Variants in FLRT1 observed in about 807,000 individuals in gnomAD.
The protein encoded by FLRT1 is leucine-rich repeat transmembrane protein FLRT1.
FLRT1 carries 14 observed loss-of-function variants against 30.9 expected under a neutral mutation model. The ratio of observed to expected loss-of-function variants is 0.45; its 90% CI spans 0.30 to 0.71. The LOEUF is 0.71. Ranked by LOEUF, FLRT1 falls within the 30% of genes least tolerant of loss-of-function variation. FLRT1 has a pLI of 0.08. For synonymous variants in FLRT1, 368 were observed against 430.4 expected (o/e 0.85, Z 1.80); for missense variants, 737 against 949.2 (o/e 0.78, Z 2.94).
At chr11:64,099,052 A>C (rs1944626681) in intron 1 of FLRT1, among the ~76,000 whole-genome samples, 1 of 152,242 alleles carries the variant, frequency 6.6e-6, no homozygotes, top group South Asian at 2.1e-4. Context: ...GGAAGCCCTG[A>C]GTGCCAAGGG....
At chr11:64,100,135 C>T (rs953636664) in intron 1 of FLRT1, among the ~76,000 whole-genome samples, 1 of 152,184 alleles carries the variant, frequency 6.6e-6, no homozygotes, top group Non-Finnish European at 1.5e-5. Context: ...TCCTCCCTGA[C>T]CTGCTAGCCA....
chr11:64,086,400 T>C (rs970394182), intron 1 of FLRT1, among the ~76,000 whole-genome samples: 2 of 151,914 alleles, frequency 1.3e-5, no homozygotes, highest in African/African-American at 4.8e-5. Context: ...GCTCAGAGGA[T>C]GGAACATTCC....
At chr11:64,040,596 G>A (rs922417799) in intron 1 of FLRT1, among the ~76,000 whole-genome samples, 2 of 152,250 alleles carry the variant, frequency 1.3e-5, no homozygotes, top group African/African-American at 4.8e-5. Flanking sequence ...TTTCCCGAGA[G>A]CTGTGTGTTC....
At chr11:64,041,032 T>TA (rs1943474335) in intron 1 of FLRT1, among the ~76,000 whole-genome samples, 1 of 151,694 alleles carries the variant, frequency 6.6e-6, no homozygotes, top group South Asian at 2.1e-4. Context: ...GGCTTATACT[T>TA]AATTAAAACT....
chr11:64,074,200 GAGAA>G (rs961610488), intron 1 of FLRT1, among the ~76,000 whole-genome samples: 1 of 152,256 alleles, frequency 6.6e-6, no homozygotes, highest in African/African-American at 2.4e-5. Context: ...CCGAGGCAGA[GAGAA>G]AGGAGGGCTT....
intron 1 of FLRT1, among the ~76,000 whole-genome samples, chr11:64,041,349 A>C (rs1590826928): frequency 1.4e-5 from 2 of 144,894 alleles, no homozygotes; most frequent in East Asian, 2.1e-4. Context: ...CCACCCCTCC[A>C]CCCCCCGTGA....
chr11:64,047,897 C>CAAAA (rs35010371), intron 1 of FLRT1, among the ~76,000 whole-genome samples: 12 of 89,144 alleles, frequency 1.3e-4, no homozygotes, highest in Admixed American at 3.7e-4. Context: ...AACTCCGTCT[C>CAAAA]AAAAAAAAAA....
Position 64,096,508 on chromosome 11 carries a change from C to A in FLRT1, c.-1037-6686C>A, listed in dbSNP as rs572237711. Among the ~76,000 whole-genome samples, 1 of 152,012 alleles carries A rather than the reference C, an allele frequency of 6.6e-6. No individual in the cohort carries two copies. The highest frequency in any genetic ancestry group is 1.5e-5 in the Non-Finnish European group (1 of 67,984). The stretch of plus-strand genomic sequence containing the variant: ...TCGGCTCACTGCAACCTCCGCCTTC[C>A]GGGTTCAAGCAATTCTCTTGCCTCA... On this transcript the variant is annotated intron_variant, in intron 1 of 2. Coordinates refer to ENST00000682287, the MANE Select transcript of FLRT1 (RefSeq NM_013280.5). This position sits in a 1 kb window ranked among gnomAD's most constrained non-coding sequence, Gnocchi z 4.6.
chr11:64,104,520 C>T (rs1228697371), intron 2 of FLRT1, among the ~76,000 whole-genome samples: 2 of 152,104 alleles, frequency 1.3e-5, no homozygotes, highest in Non-Finnish European at 2.9e-5. Flanking sequence ...ATTTTGAGCC[C>T]CCTCCCTAAA....
chr11:64,056,970 G>A (rs1943797467), intron 1 of FLRT1, among the ~76,000 whole-genome samples: 1 of 152,162 alleles, frequency 6.6e-6, no homozygotes. Flanking sequence ...CACCCAGCCC[G>A]GGTACAGCCT....
intron 1 of FLRT1, among the ~76,000 whole-genome samples, chr11:64,068,031 A>T (rs927797153): frequency 6.6e-6 from 1 of 152,254 alleles, no homozygotes; most frequent in Non-Finnish European, 1.5e-5. Flanking sequence ...CTTGGGGGTT[A>T]TTTAACAAAT....
intron 1 of FLRT1, among the ~76,000 whole-genome samples, chr11:64,084,452 G>GGAGGCAGCAGCAAA (rs546869015): frequency 2.8e-3 from 420 of 152,348 alleles, no homozygotes; most frequent in Middle Eastern, 0.01. Flanking sequence ...CAGGCGCTGT[G>GGAGGCAGCAGCAAA]GAGGCAGCAG....
chr11:64,043,647 T>C (rs1943530945), intron 1 of FLRT1, among the ~76,000 whole-genome samples: 2 of 152,142 alleles, frequency 1.3e-5, no homozygotes, highest in South Asian at 2.1e-4. Flanking sequence ...GAGGTCATTA[T>C]TGAGTGTTTA....
In FLRT1 at chr11:64,118,129, T is replaced by A. The variant is rs1945028726; in HGVS notation, c.1862T>A (p.Met621Lys). ...GAAATCCGCGGCCCTGGGCTGCAGA[T>A]GCTGCCCATCAACCCGTACCGCGCC... ...ILEIRGPGLQ[M>K]LPINPYRAKE... The change falls in exon 3 of 3, where the codon ATG becomes AAG. Residue 621 changes from methionine (M) to lysine (K), a missense_variant. Coordinates refer to ENST00000682287, the MANE Select transcript of FLRT1 (RefSeq NM_013280.5). 2.5e-6 allele frequency: 4 copies of A among 1,613,458 alleles called. No homozygotes were observed. The East Asian group carries it at 6.7e-5, about 27-fold the overall frequency.
At position 64,118,573 on chromosome 11, in the gene FLRT1, T is replaced by G; in HGVS notation, c.*281T>G. 1 of 360,826 alleles carries G rather than the reference T, an allele frequency of 2.8e-6. No individual in the cohort carries two copies. Among genetic ancestry groups the G allele is most frequent in the Non-Finnish European group, 5.2e-6 (1 of 191,900 alleles). 22.4% of individuals were successfully genotyped at this position (360,826 alleles called of 1,614,324 possible). A position where few individuals can be genotyped will look rare whatever the true frequency, so the allele number is the denominator to read the frequency against. On this transcript the variant is annotated 3_prime_UTR_variant, in exon 3 of 3. Transcript: ENST00000682287. ...GGGGAGGGAAGGACTAAAAATAATA[T>G]TGCAGGCAGGGCTGGGTTGGGTTTT...
At chr11:64,053,524 G>A (rs1172712206) in intron 1 of FLRT1, among the ~76,000 whole-genome samples, 1 of 152,110 alleles carries the variant, frequency 6.6e-6, no homozygotes, top group Non-Finnish European at 1.5e-5. Context: ...GGGAGGCAAG[G>A]CTGGTCTGAG....
At chr11:64,109,928 G>A (rs1310812165) in intron 2 of FLRT1, among the ~76,000 whole-genome samples, 1 of 152,094 alleles carries the variant, frequency 6.6e-6, no homozygotes, top group Admixed American at 6.5e-5. Flanking sequence ...GGACAGAGAC[G>A]GGCAGCTACT....
chr11:64,055,241 T>C (rs935138242), intron 1 of FLRT1, among the ~76,000 whole-genome samples: 1 of 152,176 alleles, frequency 6.6e-6, no homozygotes. Flanking sequence ...GGGCAGCCAG[T>C]AGCTTTGCCT....
At chr11:64,095,057 G>A (rs1345406349) in intron 1 of FLRT1, among the ~76,000 whole-genome samples, 1 of 152,150 alleles carries the variant, frequency 6.6e-6, no homozygotes, top group East Asian at 1.9e-4. Context: ...TCTCCTTAAG[G>A]CAGGCTCCCA....
Sources: allele counts gnomAD v4.1 joint callset (sites outside exome capture counted in the v4.1 genomes callset), GRCh38; gene constraint gnomAD v4.1.1; non-coding constraint Gnocchi (gnomAD v3.1); transcripts MANE v1.5; gene names NCBI Gene and HGNC (gene_info 2026-07-23, HGNC 2026-07-21).